Variants in RGPD1 observed in about 807,000 individuals in gnomAD.
RGPD1 encodes the protein RANBP2 like and GRIP domain containing 1.
A neutral mutation model predicts 40.6 loss-of-function variants in RGPD1; 7 were observed. The observed-to-expected ratio is 0.17, with a 90% CI of 0.10 to 0.32. The LOEUF is 0.32. RGPD1 is among the 10% of genes least tolerant of loss of function. The pLI, the probability that RGPD1 is intolerant of heterozygous loss-of-function variation, is 1.00. For synonymous variants in RGPD1, 24 were observed against 167.0 expected, an observed-to-expected ratio of 0.14 and a Z score of 6.60; for missense variants, 50 against 472.5, an observed-to-expected ratio of 0.11 and a Z score of 8.29.
At chr2:86,944,036 C>T (rs140060883) in intron 1 of RGPD1, among the ~76,000 whole-genome samples, 229 of 151,680 alleles carry the variant, frequency 1.5e-3, no homozygotes, top group Non-Finnish European at 2.2e-3. Context: ...AACCAAAAAA[C>T]GGAAACTCAA....
intron 1 of RGPD1, chr2:86,934,475 T>C (rs1679209123): frequency 7.5e-6 from 1 of 133,690 alleles, no homozygotes; most frequent in Admixed American, 7.8e-5. Flanking sequence ...ACAGGTTAAA[T>C]GTTGGACCCA....
chr2:86,914,194 GCCT>G, intron 1 of RGPD1, among the ~76,000 whole-genome samples: 3 of 75,474 alleles, frequency 4.0e-5, no homozygotes, highest in African/African-American at 4.5e-5. Context: ...GGCGGCGGCG[GCCT>G]CGGCCTGGCC....
intron 1 of RGPD1, among the ~76,000 whole-genome samples, chr2:86,931,841 T>C (rs1678989829): frequency 6.7e-6 from 1 of 148,926 alleles, no homozygotes; most frequent in Admixed American, 6.7e-5. Context: ...CTCATGATAC[T>C]CAATATTTTA....
chr2:86,915,370 T>A (rs969209152), intron 1 of RGPD1, among the ~76,000 whole-genome samples: 1 of 148,872 alleles, frequency 6.7e-6, no homozygotes, highest in Non-Finnish European at 1.5e-5. Flanking sequence ...TGCTGGTAAA[T>A]GGTATTCCAA....
At chr2:87,008,765 A>G (rs1351658461) in intron 22 of RGPD1, among the ~76,000 whole-genome samples, 1 of 38,792 alleles carries the variant, frequency 2.6e-5, no homozygotes, top group Non-Finnish European at 4.9e-5. Context: ...AGAAATAAAG[A>G]TGAAATACTA....
chr2:86,941,521 C>A (rs896182100), upstream of RGPD1, among the ~76,000 whole-genome samples: 1 of 147,584 alleles, frequency 6.8e-6, no homozygotes, highest in Non-Finnish European at 1.5e-5. Flanking sequence ...CTGGGGCTAC[C>A]GGCTTGAGCC....
intron 1 of RGPD1, among the ~76,000 whole-genome samples, chr2:86,944,568 TTTG>T (rs1187227963): frequency 6.6e-6 from 1 of 151,616 alleles, no homozygotes; most frequent in African/African-American, 2.4e-5. Context: ...CACCTGCTGT[TTTG>T]TTCTGTTTTG....
chr2:86,913,830 G>C, exon 1 of RGPD1: 4 of 1,564,958 alleles, frequency 2.6e-6, no homozygotes, highest in Non-Finnish European at 2.6e-6. Flanking sequence ...ACGCGTCTCG[G>C]GAGCCAGGTT....
chr2:86,974,266 T>C lies in RGPD1; in HGVS notation c.1455+12T>C. ...TTTTAGATCTTGAAGTAAGCAAAGA[T>C]TTTAACAAATTAAATATTCTGAATT... On this transcript the variant is annotated intron_variant, in intron 10 of 22. Transcript: ENST00000641458. 7.7e-7 allele frequency: 1 copy of C among 1,295,164 alleles called. No individual in the cohort carries two copies. The highest frequency in any genetic ancestry group is 1.1e-6 in the Non-Finnish European group (1 of 948,834). 80.2% of individuals were successfully genotyped at this position (1,295,164 alleles called of 1,614,324 possible).
At position 86,930,110 on chromosome 2, in the gene RGPD1, C is replaced by T. The variant is rs1471436086; in HGVS notation, c.72+16189C>T. The T allele has an allele frequency of 3.8e-5, 59 of 1,561,834 alleles. 1 individual carries two copies. The East Asian group carries it at 5.2e-4, about 14-fold the overall frequency. Reference sequence around the variant, plus strand: ...CAAGGGCAGAGCTTAATACCGGAGTCGCCAGTTAAACGGCGATAGCGGCAG... The same window carrying T: ...CAAGGGCAGAGCTTAATACCGGAGTTGCCAGTTAAACGGCGATAGCGGCAG... On this transcript the variant is annotated intron_variant, in intron 1 of 22. Coordinates refer to the RGPD1 transcript ENST00000398193.
rs890759883 is a variant in RGPD1 at position 87,013,428 on chromosome 2, G to A, written c.*881G>A. 46 of 140,060 alleles carry A rather than the reference G, an allele frequency of 3.3e-4. 9 individuals are homozygous for A. Among genetic ancestry groups the A allele is most frequent in the Admixed American group, 9.0e-4 (12 of 13,280 alleles). 8.7% of individuals were successfully genotyped at this position (140,060 alleles called of 1,614,324 possible). On this transcript the variant is annotated 3_prime_UTR_variant, in exon 23 of 23. Transcript: ENST00000641458. ...GCTCACATTCTAGTGGAATCAGACAGGGGGGTTACAGGAAATATTCAAGTA... is the reference window on the plus strand; with the variant it reads ...GCTCACATTCTAGTGGAATCAGACAAGGGGGTTACAGGAAATATTCAAGTA...
rs568427939 is a variant in RGPD1 at position 86,964,187 on chromosome 2, C to T, written c.975+963C>T. Among the ~76,000 whole-genome samples, 15 of 107,860 alleles carry T rather than the reference C, an allele frequency of 1.4e-4. 4 individuals are homozygous for T. Among genetic ancestry groups the T allele is most frequent in the Non-Finnish European group, 2.6e-4 (14 of 54,244 alleles). 70.8% of individuals were successfully genotyped at this position (107,860 alleles called of 152,430 possible). A position where few individuals can be genotyped will look rare whatever the true frequency, so the allele number is the denominator to read the frequency against. On this transcript the variant is annotated intron_variant, in intron 7 of 22. Coordinates refer to ENST00000641458, the MANE Select transcript of RGPD1 (RefSeq NM_001382344.1). Reference sequence around the variant, plus strand: ...CCTCCCGAGTAGCTGGAACTACAAGCGCCCACCACCATGCCTGGCTAATTT... The same window carrying T: ...CCTCCCGAGTAGCTGGAACTACAAGTGCCCACCACCATGCCTGGCTAATTT...
At chr2:86,925,144 T>G (rs1678386371) in intron 1 of RGPD1, among the ~76,000 whole-genome samples, 1 of 152,238 alleles carries the variant, frequency 6.6e-6, no homozygotes, top group Admixed American at 6.5e-5. Flanking sequence ...TGTAAGCTGG[T>G]GAAGTTCTTA....
intron 1 of RGPD1, among the ~76,000 whole-genome samples, chr2:86,925,216 TTGA>T (rs1324897082): frequency 3.2e-4 from 46 of 145,672 alleles, no homozygotes; most frequent in Admixed American, 1.2e-3. Flanking sequence ...AACAGTGTCT[TTGA>T]TGAGCAGAAT....
chr2:86,945,553 T>C (rs1680287270), intron 1 of RGPD1, among the ~76,000 whole-genome samples: 6 of 152,216 alleles, frequency 3.9e-5, no homozygotes, highest in Admixed American at 3.9e-4. Flanking sequence ...ATCTTTCTAG[T>C]CTTCCATTGT....
At chr2:86,941,737 A>T (rs1679773537), upstream of RGPD1, among the ~76,000 whole-genome samples, 1 of 148,678 alleles carries the variant, frequency 6.7e-6, no homozygotes, top group African/African-American at 2.5e-5. Flanking sequence ...TTTTTTTAGG[A>T]AGTCTTACTC....
At chr2:86,920,106 G>A (rs1223155391) in intron 1 of RGPD1, among the ~76,000 whole-genome samples, 1 of 151,938 alleles carries the variant, frequency 6.6e-6, no homozygotes, top group East Asian at 1.9e-4. Flanking sequence ...GTTTTGCTCT[G>A]TCGTCTAGGC....
Position 86,914,362 on chromosome 2 carries a change from C to CCTT in RGPD1, c.72+441_72+442insCTT, listed in dbSNP as rs1677642621. ...GCGGCGGCGGCGGCGGCGGCGGCGGCGGCCTCGACCTGGCCGGGCGGCGGC... is the reference window on the plus strand; with the variant it reads ...GCGGCGGCGGCGGCGGCGGCGGCGGCCTTGGCCTCGACCTGGCCGGGCGGCGGC... On this transcript the variant is annotated intron_variant, in intron 1 of 22. Coordinates refer to the RGPD1 transcript ENST00000398193. 3.9e-5 allele frequency among the ~76,000 whole-genome samples: 2 copies of CCTT among 51,124 alleles called. 1 individual carries two copies. Among genetic ancestry groups the CCTT allele is most frequent in the Non-Finnish European group, 7.0e-5 (2 of 28,500 alleles). The allele number at this position is 51,124 out of a possible 152,430, so 33.5% of individuals were successfully genotyped here.
At chr2:86,993,124 C>T (rs1681689233) in intron 20 of RGPD1, among the ~76,000 whole-genome samples, 1 of 151,634 alleles carries the variant, frequency 6.6e-6, no homozygotes, top group South Asian at 2.1e-4. Flanking sequence ...AGATTTTGAA[C>T]AATCTCACAC....
Sources: gnomAD v4.1 joint callset for allele counts (sites outside exome capture counted in the v4.1 genomes callset) on GRCh38, gnomAD v4.1.1 for gene constraint, MANE v1.5 for transcripts, NCBI Gene and HGNC (gene_info 2026-07-23, HGNC 2026-07-21) for gene names.